The following NDUFA12 variants were observed in gnomAD, a reference collection of about 807,000 sequenced individuals.
NDUFA12 encodes NADH dehydrogenase [ubiquinone] 1 alpha subcomplex subunit 12.
A neutral mutation model predicts 20.3 loss-of-function variants in NDUFA12; 17 were observed. The ratio of observed to expected loss-of-function variants is 0.84; its 90% CI spans 0.57 to 1.26. The LOEUF is 1.26. Among genes scored for constraint, NDUFA12 ranks in the 50% most tolerant of loss-of-function variants. The pLI is 0.00. For missense variants in NDUFA12, 191 were observed against 183.7 expected (o/e 1.04, Z -0.23); for synonymous variants, 72 against 63.6 (o/e 1.13, Z -0.63).
intron 3 of NDUFA12, among the ~76,000 whole-genome samples, chr12:94,984,646 C>A (rs1416683798): frequency 1.5e-5 from 2 of 133,050 alleles, no homozygotes; most frequent in Non-Finnish European, 1.5e-5. Flanking sequence ...CACCTCATGT[C>A]AGAAAGTAAG....
Position 94,986,456 on chromosome 12 carries a change from C to T in NDUFA12, c.257+7714G>A, listed in dbSNP as rs189642372. Among the ~76,000 whole-genome samples the T allele has an allele frequency of 1.1e-3, 170 of 151,998 alleles. 2 individuals carry two copies. Among genetic ancestry groups the T allele is most frequent in the African/African-American group, 3.1e-3 (127 of 41,454 alleles). On this transcript the variant is annotated intron_variant, in intron 3 of 3. Coordinates refer to ENST00000327772, the MANE Select transcript of NDUFA12 (RefSeq NM_018838.5). ...GCTAAAATAATTTTAAGTGTTTTTA[C>T]CACAAAAAAATGATAAGTATGTGAG...
intron 3 of NDUFA12, among the ~76,000 whole-genome samples, 158 bp downstream of exon 3, chr12:94,994,012 T>C (rs1874737095): frequency 6.6e-6 from 1 of 152,070 alleles, no homozygotes; most frequent in Non-Finnish European, 1.5e-5. Context: ...TAGTCCCAGC[T>C]ACTAGGGAGG....
Position 94,994,252 on chromosome 12 carries a change from G to A in NDUFA12, c.175C>T (p.His59Tyr). Reference sequence around the variant, plus strand: ...TCAGTAGTATATACAACCCATCGGTGACGGCCTGGGTGGGAAGATGAACAT... The same window carrying A: ...TCAGTAGTATATACAACCCATCGGTAACGGCCTGGGTGGGAAGATGAACAT... ...YEDNKQFFGR[H>Y]RWVVYTTEMN... is the part of the protein sequence containing the mutation. Residue 59 changes from histidine to tyrosine, a missense_variant, in exon 3 of 4, where the codon CAC (histidine) becomes TAC (tyrosine). Transcript: ENST00000327772. 1 of 1,613,896 alleles carries A rather than the reference G, an allele frequency of 6.2e-7. No individual in the cohort carries two copies. Among genetic ancestry groups the A allele is most frequent in the African/African-American group, 1.3e-5 (1 of 75,054 alleles).
intron 3 of NDUFA12, among the ~76,000 whole-genome samples, chr12:94,990,269 T>TG (rs961732586): frequency 3.2e-4 from 20 of 63,092 alleles, no homozygotes; most frequent in East Asian, 7.0e-4. Context: ...ACATAGAATG[T>TG]GGAAAAAAAA....
At chr12:94,977,882 A>G (rs888247620) in intron 3 of NDUFA12, among the ~76,000 whole-genome samples, 1 of 152,192 alleles carries the variant, frequency 6.6e-6, no homozygotes, top group Non-Finnish European at 1.5e-5. Context: ...GGGGAAGAGT[A>G]TGGAGTATGA....
intron 3 of NDUFA12, among the ~76,000 whole-genome samples, chr12:94,989,183 T>A (rs182970078): frequency 6.0e-4 from 92 of 152,292 alleles, no homozygotes; most frequent in African/African-American, 2.1e-3. Context: ...CTTCCATTGC[T>A]CTTGATTCCC....
chr12:94,986,449 G>C (rs911486727), intron 3 of NDUFA12, among the ~76,000 whole-genome samples: 7 of 151,958 alleles, frequency 4.6e-5, no homozygotes, highest in African/African-American at 1.7e-4. Context: ...AATTTTAAGT[G>C]TTTTTACCAC....
chr12:94,994,383 G>A (rs763348562), intron 2 of NDUFA12, 126 bp from the exon 3 acceptor site: 43 of 714,294 alleles, frequency 6.0e-5, no homozygotes, highest in Non-Finnish European at 9.6e-5. Context: ...GAGAGCTATT[G>A]GAGGAATAAC....
Position 94,981,293 on chromosome 12 carries a change from C to CATAT in NDUFA12, c.258-9674_258-9673insATAT, listed in dbSNP as rs772503642. Among the ~76,000 whole-genome samples, 676 of 151,784 alleles carry CATAT rather than the reference C, an allele frequency of 4.5e-3. 1 individual carries two copies. The highest frequency in any genetic ancestry group is 0.015 in the African/African-American group (613 of 41,404). Reference sequence around the variant, plus strand: ...AAATACATACATACATACATACATACAAACAGTAGCCGGGCATGGTGGCCC... The same window carrying CATAT: ...AAATACATACATACATACATACATACATATAAACAGTAGCCGGGCATGGTGGCCC... On this transcript the variant is annotated intron_variant, in intron 3 of 3. Coordinates refer to ENST00000327772, the MANE Select transcript of NDUFA12 (RefSeq NM_018838.5).
rs1276071256 is a variant in NDUFA12 at position 94,974,898 on chromosome 12, T to C, written c.258-3278A>G. Among the ~76,000 whole-genome samples, 16 of 151,894 alleles carry C rather than the reference T, an allele frequency of 1.1e-4. 1 individual carries two copies. The highest frequency in any genetic ancestry group is 8.5e-4 in the Admixed American group (13 of 15,244). On this transcript the variant is annotated intron_variant, in intron 3 of 3. Coordinates refer to ENST00000327772, the MANE Select transcript of NDUFA12 (RefSeq NM_018838.5). ...ATTAGGGGGAGGTGGGGATGGTTAA[T>C]GGGTATAAAAAAAAATAGTCAGAAA...
intron 3 of NDUFA12, among the ~76,000 whole-genome samples, chr12:94,983,917 G>A (rs7294747): frequency 0.87 from 132,057 of 151,900 alleles, 57,506 homozygotes; most frequent in Admixed American, 0.9. Context: ...GTGAGGGAGG[G>A]TGTTGCGGTA....
At chr12:94,978,570 CA>C (rs1874135196) in intron 3 of NDUFA12, among the ~76,000 whole-genome samples, 1 of 152,094 alleles carries the variant, frequency 6.6e-6, no homozygotes, top group Admixed American at 6.6e-5. Flanking sequence ...CAAATATGTT[CA>C]ATTTATAAAT....
intron 2 of NDUFA12, among the ~76,000 whole-genome samples, chr12:94,995,121 T>C (rs1874778410): frequency 6.6e-6 from 1 of 152,232 alleles, no homozygotes; most frequent in African/African-American, 2.4e-5. Context: ...AATCCATTCA[T>C]TCCTATGATG....
intron 3 of NDUFA12, among the ~76,000 whole-genome samples, chr12:94,988,764 C>T (rs1303218726): frequency 6.6e-6 from 1 of 152,152 alleles, no homozygotes; most frequent in Non-Finnish European, 1.5e-5. Flanking sequence ...ACTATAAAAC[C>T]CCTGCCCCAT....
At chr12:94,975,055 G>C (rs1339293762) in intron 3 of NDUFA12, among the ~76,000 whole-genome samples, 1 of 152,174 alleles carries the variant, frequency 6.6e-6, no homozygotes, top group East Asian at 1.9e-4. Context: ...TGCTTGAAGG[G>C]ATGGGTACCC....
At chr12:94,981,997 A>G (rs17023531) in intron 3 of NDUFA12, among the ~76,000 whole-genome samples, 39,952 of 152,152 alleles carry the variant, frequency 0.26, 5,541 homozygotes, top group Non-Finnish European at 0.26. Context: ...CCATAAGATT[A>G]GAGAACATTA....
At chr12:94,985,704 C>T (rs1371143598) in intron 3 of NDUFA12, among the ~76,000 whole-genome samples, 3 of 149,532 alleles carry the variant, frequency 2.0e-5, no homozygotes, top group Non-Finnish European at 4.4e-5. Flanking sequence ...AAATGGTCAA[C>T]AGCTATATGA....
chr12:94,989,343 T>C (rs1043870439), intron 3 of NDUFA12, among the ~76,000 whole-genome samples: 2 of 152,228 alleles, frequency 1.3e-5, no homozygotes, highest in African/African-American at 4.8e-5. Context: ...TACTAAATAG[T>C]TATTTGAATA....
Position 94,984,345 on chromosome 12 carries a change from G to A in NDUFA12, c.257+9825C>T, listed in dbSNP as rs147606133. Among the ~76,000 whole-genome samples the A allele has an allele frequency of 8.5e-5, 13 of 152,092 alleles. 1 individual carries two copies. Among genetic ancestry groups the A allele is most frequent in the African/African-American group, 2.9e-4 (12 of 41,506 alleles). ...TCCACTAAAAAACAAGCAAACGGCC[G>A]GGTGTGGTGGCTCATGCCTGTAATC... On this transcript the variant is annotated intron_variant, in intron 3 of 3. Coordinates refer to ENST00000327772, the MANE Select transcript of NDUFA12 (RefSeq NM_018838.5).
Sources: gnomAD v4.1 joint callset for allele counts (sites outside exome capture counted in the v4.1 genomes callset) on GRCh38, gnomAD v4.1.1 for gene constraint, MANE v1.5 for transcripts, NCBI Gene and HGNC (gene_info 2026-07-23, HGNC 2026-07-21) for gene names.